The following CALN1 variants were observed in gnomAD, a reference collection of about 807,000 sequenced individuals.
CALN1 encodes calcium-binding protein 8.
A neutral mutation model predicts 30.6 loss-of-function variants in CALN1; 17 were observed. The observed-to-expected ratio is 0.56, with a 90% CI of 0.38 to 0.83. The LOEUF is 0.83. Ranked by LOEUF, CALN1 falls within the 40% of genes least tolerant of loss-of-function variation. The pLI, the probability that CALN1 is intolerant of heterozygous loss-of-function variation, is 0.00. For missense variants in CALN1, 291 were observed against 354.9 expected (o/e 0.82, Z 1.45); for synonymous variants, 156 against 131.4 (o/e 1.19, Z -1.28).
At chr7:71,982,568 T>TG (rs1198620721) in intron 5 of CALN1, among the ~76,000 whole-genome samples, 1 of 152,192 alleles carries the variant, frequency 6.6e-6, no homozygotes, top group East Asian at 1.9e-4. Flanking sequence ...CACTCCAGCC[T>TG]GGGCCATAGG....
intron 3 of CALN1, among the ~76,000 whole-genome samples, chr7:72,163,909 T>G: frequency 6.6e-6 from 1 of 151,406 alleles, no homozygotes; most frequent in African/African-American, 2.4e-5. Flanking sequence ...GAATCCATGA[T>G]CAGACTACCA....
chr7:72,076,364 C>T (rs6963064), intron 4 of CALN1, among the ~76,000 whole-genome samples: 3,260 of 150,994 alleles, frequency 0.022, 105 homozygotes, highest in African/African-American at 0.074. Context: ...TTTGGGAGGC[C>T]GAGGCGAGCA....
intron 3 of CALN1, among the ~76,000 whole-genome samples, chr7:72,235,725 T>C (rs1794433955): frequency 6.8e-6 from 1 of 147,704 alleles, no homozygotes; most frequent in Non-Finnish European, 1.5e-5. Context: ...TCTGCTGTCT[T>C]ATGTTGTTAT....
intron 4 of CALN1, among the ~76,000 whole-genome samples, chr7:72,057,047 C>CCT (rs1803300298): frequency 6.6e-6 from 1 of 152,048 alleles, no homozygotes; most frequent in Non-Finnish European, 1.5e-5. Context: ...CTCAAGTGCC[C>CCT]CTCCTGCCTC....
intron 5 of CALN1, among the ~76,000 whole-genome samples, chr7:71,953,253 T>C (rs1449193769): frequency 1.3e-5 from 2 of 152,160 alleles, no homozygotes; most frequent in African/African-American, 4.8e-5. Context: ...CCACCACAGC[T>C]GCCTCAGTCC....
intron 5 of CALN1, among the ~76,000 whole-genome samples, chr7:71,901,065 T>C (rs1214337757): frequency 6.6e-6 from 1 of 152,156 alleles, no homozygotes; most frequent in Non-Finnish European, 1.5e-5. Context: ...GTACTTTTGC[T>C]TTGCGATAAA....
At chr7:72,475,890 T>G in the CALN1 span, among the ~76,000 whole-genome samples, 6 of 151,922 alleles carry the variant, frequency 3.9e-5, no homozygotes, top group East Asian at 7.7e-4. Context: ...ATCTGATGGT[T>G]TTATAAAGGG....
At chr7:72,227,730 G>A (rs923363454) in intron 3 of CALN1, among the ~76,000 whole-genome samples, 2 of 151,340 alleles carry the variant, frequency 1.3e-5, no homozygotes, top group East Asian at 3.9e-4. Flanking sequence ...AGTACCCTCT[G>A]AATCTAAAAT....
At chr7:72,411,667 G>C (rs1353500532) in intron 1 of CALN1, among the ~76,000 whole-genome samples, 1 of 152,154 alleles carries the variant, frequency 6.6e-6, no homozygotes, top group South Asian at 2.1e-4. Context: ...CCTAAAAGTG[G>C]ATAAGTTCTC....
chr7:72,128,312 G>A (rs965889649), intron 3 of CALN1, among the ~76,000 whole-genome samples: 7 of 152,150 alleles, frequency 4.6e-5, no homozygotes, highest in South Asian at 4.2e-4. Context: ...AGTATATAAC[G>A]AGTGACACTT....
At chr7:72,074,691 A>C (rs1804617824) in intron 4 of CALN1, among the ~76,000 whole-genome samples, 1 of 152,178 alleles carries the variant, frequency 6.6e-6, no homozygotes, top group South Asian at 2.1e-4. Context: ...TACAGGCTTA[A>C]GCCACTGCAC....
chr7:72,358,872 C>T lies in CALN1; in HGVS notation c.119+44379G>A, dbSNP rs111841019. 3.6e-3 allele frequency among the ~76,000 whole-genome samples: 548 copies of T among 151,668 alleles called. 4 individuals carry two copies. The highest frequency in any genetic ancestry group is 0.017 in the Middle Eastern group (5 of 294). On this transcript the variant is annotated intron_variant, in intron 2 of 6. Coordinates refer to ENST00000395275, the MANE Select transcript of CALN1 (RefSeq NM_031468.4). ...ACTCGGTAGGCTGAGGCAGGAGAATCGTTTGAACCCAGGAGGCGGAGGTTG... is the reference window on the plus strand; with the variant it reads ...ACTCGGTAGGCTGAGGCAGGAGAATTGTTTGAACCCAGGAGGCGGAGGTTG...
At chr7:71,989,526 G>A (rs1330682090) in intron 5 of CALN1, among the ~76,000 whole-genome samples, 1 of 151,862 alleles carries the variant, frequency 6.6e-6, no homozygotes, top group Non-Finnish European at 1.5e-5. Context: ...TCAGCCGTGT[G>A]TCTGAGAAAC....
At chr7:71,822,078 G>T (rs1436046178) in intron 5 of CALN1, among the ~76,000 whole-genome samples, 1 of 151,722 alleles carries the variant, frequency 6.6e-6, no homozygotes, top group Non-Finnish European at 1.5e-5. Flanking sequence ...CTTTCTTTTG[G>T]TTTTTAAACT....
At chr7:71,907,835 T>C (rs767644690) in intron 5 of CALN1, among the ~76,000 whole-genome samples, 3 of 152,220 alleles carry the variant, frequency 2.0e-5, no homozygotes, top group Non-Finnish European at 4.4e-5. Flanking sequence ...AGTTCTTCCA[T>C]TGGTCTACAA....
At chr7:72,064,231 G>A (rs1803864116) in intron 4 of CALN1, among the ~76,000 whole-genome samples, 1 of 150,954 alleles carries the variant, frequency 6.6e-6, no homozygotes. Flanking sequence ...GCAGTGAGCT[G>A]AGATCGTGCC....
At chr7:72,218,533 T>G (rs988787689) in intron 3 of CALN1, among the ~76,000 whole-genome samples, 2 of 152,104 alleles carry the variant, frequency 1.3e-5, no homozygotes, top group Non-Finnish European at 2.9e-5. Context: ...TTATTGTGAT[T>G]TGTTGCTTTT....
chr7:71,808,376 A>G (rs112082277), intron 6 of CALN1, among the ~76,000 whole-genome samples: 157 of 151,570 alleles, frequency 1.0e-3, no homozygotes, highest in African/African-American at 3.7e-3. Context: ...AATAAACATT[A>G]ATAATTATTT....
At chr7:72,132,092 A>C (rs182098560) in intron 3 of CALN1, among the ~76,000 whole-genome samples, 7 of 152,322 alleles carry the variant, frequency 4.6e-5, no homozygotes, top group Non-Finnish European at 7.3e-5. Context: ...CTACACAAAA[A>C]CATATTGATC....
Sources: allele counts gnomAD v4.1 joint callset (sites outside exome capture counted in the v4.1 genomes callset), GRCh38; gene constraint gnomAD v4.1.1; transcripts MANE v1.5; gene names NCBI Gene and HGNC (gene_info 2026-07-23, HGNC 2026-07-21).